Variants in RNF38 observed in about 807,000 individuals in gnomAD.
RNF38 encodes the protein ring finger protein 38, also known as E3 ubiquitin-protein ligase RNF38.
Under a neutral mutation model 67.2 loss-of-function variants are expected in RNF38, and 15 were observed. The ratio of observed to expected loss-of-function variants is 0.22; its 90% CI spans 0.15 to 0.34. The LOEUF is 0.34. Among genes scored for constraint, RNF38 ranks in the 10% least tolerant of loss-of-function variants. The probability of loss-of-function intolerance (pLI) is 1.00; values close to 1 mark genes in which losing one functional copy is unlikely to be tolerated. For missense variants in RNF38, 524 were observed against 639.9 expected (o/e 0.82, Z 1.95); for synonymous variants, 220 against 218.8 (o/e 1.01, Z -0.05).
chr9:36,465,292 A>C (rs1839834153), intron 1 of RNF38, among the ~76,000 whole-genome samples: 1 of 152,200 alleles, frequency 6.6e-6, no homozygotes, highest in Non-Finnish European at 1.5e-5. Flanking sequence ...AAGAGAAATA[A>C]AAATATATGT....
intron 2 of RNF38, among the ~76,000 whole-genome samples, chr9:36,422,203 C>A (rs532061919): frequency 6.6e-6 from 1 of 152,106 alleles, no homozygotes; most frequent in African/African-American, 2.4e-5. Flanking sequence ...TGCACTCCAG[C>A]CTGGGCAACA....
At chr9:36,401,291 C>A, upstream of RNF38, 1 of 936,000 alleles carries the variant, frequency 1.1e-6, no homozygotes, top group South Asian at 4.9e-5. Flanking sequence ...CACCACTGCG[C>A]AGCCCCGCCC....
At chr9:36,418,048 ATTT>A (rs35596314) in intron 2 of RNF38, among the ~76,000 whole-genome samples, 2 of 141,322 alleles carry the variant, frequency 1.4e-5, no homozygotes. Flanking sequence ...TCAATATGTG[ATTT>A]TTTTTTTTTT....
chr9:36,349,075 C>A (rs1833512663), intron 9 of RNF38, among the ~76,000 whole-genome samples: 1 of 152,142 alleles, frequency 6.6e-6, no homozygotes, highest in Non-Finnish European at 1.5e-5. Context: ...AATAATAAAG[C>A]CTGGATGACA....
chr9:36,435,366 G>C (rs1055455265), intron 1 of RNF38, among the ~76,000 whole-genome samples: 4 of 152,100 alleles, frequency 2.6e-5, no homozygotes, highest in African/African-American at 4.8e-5. Context: ...TGAAATGCAA[G>C]GCAAACACGA....
chr9:36,458,576 T>C (rs1839648480), intron 1 of RNF38, among the ~76,000 whole-genome samples: 1 of 150,784 alleles, frequency 6.6e-6, no homozygotes, highest in South Asian at 2.1e-4. Context: ...GTGCCACCTT[T>C]AAGAGCTGTA....
At chr9:36,353,670 A>G (rs144606059) in intron 6 of RNF38, among the ~76,000 whole-genome samples, 96 of 152,340 alleles carry the variant, frequency 6.3e-4, no homozygotes, top group Non-Finnish European at 1.0e-3. Context: ...TTTCAGTCAT[A>G]GCACCCTGAC....
intron 1 of RNF38, among the ~76,000 whole-genome samples, chr9:36,445,593 G>A (rs1471189713): frequency 6.6e-6 from 1 of 152,208 alleles, no homozygotes; most frequent in African/African-American, 2.4e-5. Context: ...GAGTGAAACA[G>A]TCCATGCTAA....
chr9:36,399,418 A>C (rs1032287989), intron 1 of RNF38, among the ~76,000 whole-genome samples: 5 of 150,474 alleles, frequency 3.3e-5, no homozygotes, highest in African/African-American at 9.8e-5. Context: ...CATAAAAATC[A>C]ACTTAAAATT....
chr9:36,418,489 CG>C (rs1405972638), intron 2 of RNF38, among the ~76,000 whole-genome samples: 2 of 139,208 alleles, frequency 1.4e-5, no homozygotes, highest in African/African-American at 5.4e-5. Context: ...CCCATCTCTA[CG>C]AAAAAAAAAT....
intron 1 of RNF38, among the ~76,000 whole-genome samples, chr9:36,476,666 G>A (rs1357097937): frequency 6.6e-6 from 1 of 151,778 alleles, no homozygotes; most frequent in African/African-American, 2.4e-5. Context: ...TGGGATTACA[G>A]GCGCCCACCA....
chr9:36,355,255 T>A (rs776183475), intron 6 of RNF38, among the ~76,000 whole-genome samples: 1 of 152,212 alleles, frequency 6.6e-6, no homozygotes, highest in Non-Finnish European at 1.5e-5. Context: ...TCCACAGAGC[T>A]GAAATCTTCC....
chr9:36,430,244 T>A (rs1433738349), intron 1 of RNF38, among the ~76,000 whole-genome samples: 2 of 152,210 alleles, frequency 1.3e-5, no homozygotes, highest in Non-Finnish European at 2.9e-5. Context: ...TTCGCTCTTG[T>A]TGCCCAGGCT....
intron 1 of RNF38, among the ~76,000 whole-genome samples, chr9:36,461,635 G>C (rs1331810799): frequency 1.3e-5 from 2 of 152,146 alleles, no homozygotes; most frequent in East Asian, 1.9e-4. Context: ...GGCAGTTCAG[G>C]GGGAGAGATG....
chr9:36,359,379 G>C (rs12376663), intron 4 of RNF38, among the ~76,000 whole-genome samples: 1 of 151,120 alleles, frequency 6.6e-6, no homozygotes, highest in African/African-American at 2.4e-5. Context: ...TTAGTTTTTC[G>C]TATTCCAAAA....
intron 1 of RNF38, among the ~76,000 whole-genome samples, chr9:36,393,577 C>T (rs74401763): frequency 0.022 from 3,278 of 150,034 alleles, 105 homozygotes; most frequent in African/African-American, 0.07. Context: ...TGTCCATCTC[C>T]TGTACAACCC....
intron 2 of RNF38, among the ~76,000 whole-genome samples, chr9:36,384,676 T>TTA (rs2133951521): frequency 6.6e-6 from 1 of 152,348 alleles, no homozygotes; most frequent in East Asian, 1.9e-4. Context: ...ATAAATGTGG[T>TTA]TATGTTATAT....
chr9:36,367,500 C>T (rs368323986), intron 4 of RNF38, among the ~76,000 whole-genome samples: 7 of 151,926 alleles, frequency 4.6e-5, no homozygotes, highest in East Asian at 3.9e-4. Flanking sequence ...CCATGCAGGA[C>T]GGGTTCAATA....
chr9:36,357,963 GAACA>G, intron 4 of RNF38, 21 bp from the exon 5 acceptor site: 2 of 1,597,992 alleles, frequency 1.3e-6, no homozygotes, highest in Non-Finnish European at 1.7e-6. Flanking sequence ...AAAAACAAAT[GAACA>G]AACTTTAGCT....
Sources: allele counts gnomAD v4.1 joint callset (sites outside exome capture counted in the v4.1 genomes callset), GRCh38; gene constraint gnomAD v4.1.1; transcripts MANE v1.5; gene names NCBI Gene and HGNC (gene_info 2026-07-23, HGNC 2026-07-21).